Variants in DHRSX observed in about 807,000 individuals in gnomAD.
The protein encoded by DHRSX is dehydrogenase/reductase X-linked.
Under a neutral mutation model 34.0 loss-of-function variants are expected in DHRSX, and 31 were observed. The observed-to-expected ratio is 0.91, with a 90% CI of 0.69 to 1.23. The LOEUF (loss-of-function observed/expected upper bound fraction) is 1.23, where lower values mean the gene tolerates loss of function less well. DHRSX is among the 50% of genes most tolerant of loss of function. The pLI is 0.00. For synonymous variants in DHRSX, 201 were observed against 183.8 expected (o/e 1.09, Z -0.76); for missense variants, 414 against 428.1 (o/e 0.97, Z 0.29).
At chrX:2,443,018 C>T (rs752942844) in intron 1 of DHRSX, among the ~76,000 whole-genome samples, 8 of 152,122 alleles carry the variant, frequency 5.3e-5, no homozygotes, top group African/African-American at 1.7e-4. Context: ...CGGAGTTTCT[C>T]AACCTCATTT....
intron 5 of DHRSX, among the ~76,000 whole-genome samples, chrX:2,243,786 C>CTGTTTTTTTTTGTTTTTTTT (rs1556430241): frequency 1.6e-4 from 4 of 25,142 alleles, no homozygotes; most frequent in African/African-American, 3.6e-4. Flanking sequence ...ACTATGCTCC[C>CTGTTTTTTTTTGTTTTTTTT]TGTTTTTTTT....
At chrX:2,491,877 C>G (rs2045156986) in intron 1 of DHRSX, among the ~76,000 whole-genome samples, 1 of 152,196 alleles carries the variant, frequency 6.6e-6, no homozygotes, top group Non-Finnish European at 1.5e-5. Context: ...CCCCAGGGTT[C>G]CTGTTGAGGT....
intron 3 of DHRSX, among the ~76,000 whole-genome samples, chrX:2,396,600 A>T (rs1195031348): frequency 6.6e-6 from 1 of 150,484 alleles, no homozygotes; most frequent in Non-Finnish European, 1.5e-5. Context: ...CTGGTCTCGA[A>T]CTCCTGGCCT....
At chrX:2,350,596 T>C (rs1250174605) in intron 3 of DHRSX, among the ~76,000 whole-genome samples, 5 of 152,048 alleles carry the variant, frequency 3.3e-5, no homozygotes, top group Non-Finnish European at 7.4e-5. Context: ...CGTAGGGAGA[T>C]GCTGTTCCAC....
intron 5 of DHRSX, among the ~76,000 whole-genome samples, chrX:2,243,521 C>G (rs1373806223): frequency 7.2e-5 from 11 of 152,064 alleles, no homozygotes; most frequent in African/African-American, 2.7e-4. Context: ...AGTCCCCCCT[C>G]TGTCGCCCAG....
At chrX:2,340,700 T>C (rs987227223) in intron 3 of DHRSX, among the ~76,000 whole-genome samples, 24 of 152,078 alleles carry the variant, frequency 1.6e-4, no homozygotes, top group African/African-American at 5.3e-4. Context: ...AAATTGATAT[T>C]TGGACTTTTG....
chrX:2,465,647 C>CA (rs112491856), intron 1 of DHRSX, among the ~76,000 whole-genome samples: 31,351 of 148,364 alleles, frequency 0.21, 4,004 homozygotes, highest in African/African-American at 0.37. Flanking sequence ...ACTAAAAATA[C>CA]AAAAAAAAAG....
intron 1 of DHRSX, among the ~76,000 whole-genome samples, chrX:2,448,821 AAC>A (rs1209185434): frequency 7.9e-5 from 12 of 152,280 alleles, no homozygotes; most frequent in African/African-American, 2.9e-4. Flanking sequence ...TTCTTAATTC[AAC>A]ACAGTTTACA....
intron 3 of DHRSX, among the ~76,000 whole-genome samples, chrX:2,368,242 C>CAAA (rs761239560): frequency 8.5e-6 from 1 of 118,340 alleles, no homozygotes; most frequent in Non-Finnish European, 1.8e-5. Flanking sequence ...GACTCTGTCT[C>CAAA]AAAAAAAAAA....
At chrX:2,479,099 A>T (rs1053267422) in intron 1 of DHRSX, among the ~76,000 whole-genome samples, 3 of 151,396 alleles carry the variant, frequency 2.0e-5, no homozygotes, top group Non-Finnish European at 4.4e-5. Flanking sequence ...TGGCTAAGGG[A>T]CCACAGCCAT....
intron 3 of DHRSX, among the ~76,000 whole-genome samples, chrX:2,366,794 T>C (rs1235525109): frequency 6.6e-6 from 1 of 151,724 alleles, no homozygotes; most frequent in Non-Finnish European, 1.5e-5. Flanking sequence ...AGACGAGATC[T>C]TGCTATGTTG....
chrX:2,304,289 GTGGGTGGATGGA>G (rs1404078729), intron 3 of DHRSX, among the ~76,000 whole-genome samples: 1 of 54,444 alleles, frequency 1.8e-5, no homozygotes, highest in Non-Finnish European at 3.3e-5. Flanking sequence ...GGGTGGGTGG[GTGGGTGGATGGA>G]TGGATGGATG....
At chrX:2,409,519 T>C (rs1603061183) in intron 2 of DHRSX, among the ~76,000 whole-genome samples, 1 of 152,186 alleles carries the variant, frequency 6.6e-6, no homozygotes, top group South Asian at 2.1e-4. Context: ...AAGGAGAACA[T>C]GGGGTCTTTG....
intron 6 of DHRSX, 124 bp downstream of exon 6, chrX:2,242,899 G>T: frequency 1.1e-6 from 1 of 900,170 alleles, no homozygotes; most frequent in Non-Finnish European, 1.7e-6. Flanking sequence ...TTCCACCACT[G>T]AGCCGTCCTG....
chrX:2,371,310 ACCCTCCTCCCGTTACTATAGT>A (rs1164935549), intron 3 of DHRSX, among the ~76,000 whole-genome samples: 4 of 130,078 alleles, frequency 3.1e-5, no homozygotes, highest in Non-Finnish European at 4.9e-5. Flanking sequence ...ATTACCATAG[ACCCTCCTCCCGTTACTATAGT>A]CCCTCCTTCC....
intron 4 of DHRSX, 95 bp from the exon 5 acceptor site, chrX:2,267,042 A>G: frequency 3.1e-6 from 4 of 1,290,038 alleles, no homozygotes; most frequent in Non-Finnish European, 4.5e-6. Flanking sequence ...GGCCCAGGAC[A>G]TCGGAGGGTG....
rs1278873732 is a variant in DHRSX at position 2,382,930 on chromosome X, CCAT to C, written c.286+25812_286+25814del. Reference sequence around the variant, plus strand: ...ATCATTAGCAGCAGCAGCAGCATGACCATCATCACCATCATTATCATTTCTATC... The same window carrying C: ...ATCATTAGCAGCAGCAGCAGCATGACCATCACCATCATTATCATTTCTATC... On this transcript the variant is annotated intron_variant, in intron 3 of 6. Coordinates refer to ENST00000334651, the MANE Select transcript of DHRSX (RefSeq NM_145177.3). Among the ~76,000 whole-genome samples the C allele has an allele frequency of 1.3e-4, 19 of 148,744 alleles. 1 individual carries two copies. Among genetic ancestry groups the C allele is most frequent in the Admixed American group, 1.2e-3 (18 of 14,860 alleles).
At chrX:2,446,994 A>T (rs1396852711) in intron 1 of DHRSX, among the ~76,000 whole-genome samples, 1 of 151,496 alleles carries the variant, frequency 6.6e-6, no homozygotes, top group Non-Finnish European at 1.5e-5. Flanking sequence ...AAGGGACGGC[A>T]CTGAAGACAT....
At chrX:2,443,817 C>T (rs775367123) in intron 1 of DHRSX, among the ~76,000 whole-genome samples, 61 of 152,082 alleles carry the variant, frequency 4.0e-4, no homozygotes, top group South Asian at 3.8e-3. Context: ...CCATCCTGGC[C>T]AACACAGTGA....
Sources: allele counts gnomAD v4.1 joint callset (sites outside exome capture counted in the v4.1 genomes callset), GRCh38; gene constraint gnomAD v4.1.1; transcripts MANE v1.5; gene names NCBI Gene and HGNC (gene_info 2026-07-23, HGNC 2026-07-21).